Variants in HEPHL1 observed in about 807,000 individuals in gnomAD.
HEPHL1 encodes hephaestin like 1.
In HEPHL1, 123 loss-of-function variants were observed where a neutral mutation model predicts 122.0. That is an observed-to-expected ratio of 1.01 (90% CI 0.87 to 1.17). The LOEUF (loss-of-function observed/expected upper bound fraction) is 1.17. HEPHL1 is among the 50% of genes most tolerant of loss of function. The pLI is 0.00. For synonymous variants in HEPHL1, 527 were observed against 508.9 expected (o/e 1.04, Z -0.48); for missense variants, 1,452 against 1,430.5 (o/e 1.01, Z -0.24).
chr11:94,100,601 C>T (rs368215751), intron 13 of HEPHL1, among the ~76,000 whole-genome samples: 55 of 152,336 alleles, frequency 3.6e-4, no homozygotes, highest in African/African-American at 1.1e-3. Flanking sequence ...TAAATTAATA[C>T]ATAAATGATT....
intron 13 of HEPHL1, among the ~76,000 whole-genome samples, chr11:94,098,997 CCTT>C (rs1425280636): frequency 1.3e-5 from 2 of 152,200 alleles, no homozygotes; most frequent in Admixed American, 6.5e-5. Context: ...TCGTCTGAAG[CCTT>C]CTTCTCTCAA....
rs1946466050 is a variant in HEPHL1 at position 94,113,238 on chromosome 11, G to A, written c.*1344G>A. 1 of 152,128 alleles carries A rather than the reference G, an allele frequency of 6.6e-6. No individual in the cohort carries two copies. The highest frequency in any genetic ancestry group is 2.1e-4 in the South Asian group (1 of 4,816). 9.4% of individuals were successfully genotyped at this position (152,128 alleles called of 1,614,324 possible). A position where few individuals can be genotyped will look rare whatever the true frequency, so the allele number is the denominator to read the frequency against. On this transcript the variant is annotated 3_prime_UTR_variant, in exon 20 of 20. Transcript: ENST00000315765. ...GACTGAGAAATTGCTTTTAGCTCTGGGCGAGATGCCCTGAGATTCCAATGC... is the reference window on the plus strand; with the variant it reads ...GACTGAGAAATTGCTTTTAGCTCTGAGCGAGATGCCCTGAGATTCCAATGC...
intron 15 of HEPHL1, 78 bp downstream of exon 15, chr11:94,103,098 T>A: frequency 2.4e-6 from 2 of 819,924 alleles, no homozygotes; most frequent in Non-Finnish European, 4.3e-6. Flanking sequence ...CAATTTGGGT[T>A]GGTATATGTG....
intron 1 of HEPHL1, among the ~76,000 whole-genome samples, chr11:94,039,459 A>C (rs913856518): frequency 3.1e-4 from 46 of 150,002 alleles, no homozygotes; most frequent in Admixed American, 6.6e-4. Context: ...AAAATTGACC[A>C]CATAGTTGGA....
intron 2 of HEPHL1, among the ~76,000 whole-genome samples, chr11:94,046,246 A>T (rs1436828829): frequency 6.6e-6 from 1 of 151,162 alleles, no homozygotes; most frequent in South Asian, 2.1e-4. Context: ...GATGTGCACC[A>T]TCACGCCCAG....
chr11:94,088,862 G>T lies in HEPHL1; in HGVS notation c.2188G>T (p.Gly730Trp). ...DNRDPSEQRY[G>W]MIRTFYIAAE... ...CAGGGACCCTTCTGAGCAGCGGTACGGGATGATAAGAACTTTTTACATCGC... is the reference window on the plus strand; with the variant it reads ...CAGGGACCCTTCTGAGCAGCGGTACTGGATGATAAGAACTTTTTACATCGC... Residue 730 changes from glycine (G) to tryptophan (W), a missense_variant, in exon 12 of 20, where the codon GGG becomes TGG. Transcript: ENST00000315765. 6.2e-7 allele frequency: 1 copy of T among 1,613,970 alleles called. No individual in the cohort carries two copies. Among genetic ancestry groups the T allele is most frequent in the South Asian group, 1.1e-5 (1 of 91,076 alleles).
chr11:94,056,605 A>C (rs1025573115), intron 2 of HEPHL1, among the ~76,000 whole-genome samples: 9 of 150,884 alleles, frequency 6.0e-5, no homozygotes, highest in Admixed American at 5.3e-4. Context: ...AAAATGTAGA[A>C]GCTTTGCTCC....
At chr11:94,070,647 T>G (rs1950035082) in intron 6 of HEPHL1, 105 bp downstream of exon 6, 2 of 912,464 alleles carry the variant, frequency 2.2e-6, no homozygotes, top group Admixed American at 5.1e-5. Flanking sequence ...GATGAGCTTA[T>G]ACTGCATAGA....
chr11:94,048,032 C>G (rs1945855885), intron 2 of HEPHL1, among the ~76,000 whole-genome samples: 1 of 152,158 alleles, frequency 6.6e-6, no homozygotes, highest in Admixed American at 6.5e-5. Context: ...CCTCTCCATT[C>G]CTCCCTTTTG....
chr11:94,045,189 G>A (rs973673372), intron 1 of HEPHL1, among the ~76,000 whole-genome samples: 8 of 152,120 alleles, frequency 5.3e-5, no homozygotes, highest in Non-Finnish European at 8.8e-5. Flanking sequence ...TACAGGTGTG[G>A]ACCACTATGC....
intron 12 of HEPHL1, among the ~76,000 whole-genome samples, chr11:94,092,303 C>T (rs748393231): frequency 4.6e-5 from 7 of 152,288 alleles, no homozygotes; most frequent in Admixed American, 3.9e-4. Flanking sequence ...AGTCTATCCT[C>T]GTTATTTGTA....
At chr11:94,073,933 A>T (rs1407402722) in intron 8 of HEPHL1, among the ~76,000 whole-genome samples, 1 of 152,150 alleles carries the variant, frequency 6.6e-6, no homozygotes, top group Non-Finnish European at 1.5e-5. Flanking sequence ...TTATCATCTG[A>T]TATGGCCTCT....
intron 13 of HEPHL1, among the ~76,000 whole-genome samples, chr11:94,096,583 A>G (rs1350870899): frequency 1.3e-5 from 2 of 152,212 alleles, no homozygotes; most frequent in African/African-American, 4.8e-5. Context: ...GAATAGTTTC[A>G]GAAGGAATGG....
intron 9 of HEPHL1, among the ~76,000 whole-genome samples, chr11:94,081,538 A>G (rs1946170070): frequency 6.6e-6 from 1 of 152,224 alleles, no homozygotes; most frequent in African/African-American, 2.4e-5. Flanking sequence ...GTGTGATCAG[A>G]TAGGCTCAAA....
intron 2 of HEPHL1, among the ~76,000 whole-genome samples, chr11:94,049,915 T>C (rs1945875717): frequency 6.6e-6 from 1 of 152,176 alleles, no homozygotes. Flanking sequence ...TTAATTTGGT[T>C]GATAAATTGT....
At chr11:94,057,715 A>G (rs1469377586) in intron 2 of HEPHL1, among the ~76,000 whole-genome samples, 1 of 152,004 alleles carries the variant, frequency 6.6e-6, no homozygotes, top group African/African-American at 2.4e-5. Flanking sequence ...GTTTGAACAT[A>G]TTTATTATAG....
rs145212268 is a variant in HEPHL1, at chr11:94,074,396, C to T, written c.1505-778C>T. ...CAGTTATAATCATGCCACTGTACTA[C>T]AGCCTGGGTGACATAGCAAGACCTT... On this transcript the variant is annotated intron_variant, in intron 8 of 19. Transcript: ENST00000315765. Among the ~76,000 whole-genome samples, 1,097 of 152,156 alleles carry T rather than the reference C, an allele frequency of 7.2e-3. 10 individuals carry two copies. The highest frequency in any genetic ancestry group is 0.02 in the African/African-American group (831 of 41,512).
chr11:94,087,651 G>A (rs1946228954), intron 11 of HEPHL1, among the ~76,000 whole-genome samples: 1 of 151,982 alleles, frequency 6.6e-6, no homozygotes, highest in African/African-American at 2.4e-5. Context: ...AACTATTGAA[G>A]TGCCATGATC....
chr11:94,023,699 C>A (rs148868994), intron 1 of HEPHL1, among the ~76,000 whole-genome samples: 22 of 152,102 alleles, frequency 1.4e-4, no homozygotes, highest in African/African-American at 4.8e-4. Flanking sequence ...ATACCTAGAA[C>A]GCCAAGGTCC....
Sources: allele counts gnomAD v4.1 joint callset (sites outside exome capture counted in the v4.1 genomes callset), GRCh38; gene constraint gnomAD v4.1.1; transcripts MANE v1.5; gene names NCBI Gene and HGNC (gene_info 2026-07-23, HGNC 2026-07-21).